The following MTRF1 variants were observed in gnomAD, a reference collection of about 807,000 sequenced individuals.
The protein encoded by MTRF1 is peptide chain release factor 1, mitochondrial.
A neutral mutation model predicts 62.9 loss-of-function variants in MTRF1; 51 were observed. That is an observed-to-expected ratio of 0.81 (90% CI 0.65 to 1.02). The LOEUF (loss-of-function observed/expected upper bound fraction) is 1.02. Among genes scored for constraint, MTRF1 ranks in the 50% least tolerant of loss-of-function variants. MTRF1 has a pLI of 0.00. For synonymous variants in MTRF1, 158 were observed against 181.9 expected (o/e 0.87, Z 1.06); for missense variants, 446 against 530.0 (o/e 0.84, Z 1.56).
chr13:41,288,178 A>G, the MTRF1 span: 22 of 492,748 alleles, frequency 4.5e-5, no homozygotes, highest in African/African-American at 7.9e-5. Context: ...CTGGCTTTCC[A>G]TCTACCTTAA....
chr13:41,283,653 G>A, the MTRF1 span, among the ~76,000 whole-genome samples: 2 of 143,104 alleles, frequency 1.4e-5, no homozygotes, highest in Non-Finnish European at 3.0e-5. Flanking sequence ...GCAGTGGCGC[G>A]ATCTCGGCTC....
the MTRF1 span, among the ~76,000 whole-genome samples, chr13:41,294,016 G>A: frequency 6.6e-6 from 1 of 151,910 alleles, no homozygotes; most frequent in Non-Finnish European, 1.5e-5. Flanking sequence ...TTGCTTCCTA[G>A]GTTTCATTAA....
intron 9 of MTRF1, among the ~76,000 whole-genome samples, chr13:41,219,195 G>A (rs1237221626): frequency 6.6e-6 from 1 of 151,826 alleles, no homozygotes; most frequent in Non-Finnish European, 1.5e-5. Context: ...GGAGGCTGAG[G>A]CTGGAGAATT....
In MTRF1 at chr13:41,255,320, G is replaced by A. The variant is rs372604222; in HGVS notation, c.416-700C>T. Among the ~76,000 whole-genome samples the A allele has an allele frequency of 1.9e-4, 29 of 152,224 alleles. No homozygotes were observed. In the East Asian group the frequency reaches 3.9e-3, roughly 20 times the overall value. ...CAGCCTCAAACTCCTGGACTCAAGC[G>A]ATCTTCCTGCTTCAGCCTCCCAGGT... On this transcript the variant is annotated intron_variant, in intron 2 of 9. Coordinates refer to ENST00000379480, the MANE Select transcript of MTRF1 (RefSeq NM_004294.4).
the MTRF1 span, among the ~76,000 whole-genome samples, chr13:41,288,817 G>A: frequency 1.3e-5 from 2 of 152,252 alleles, no homozygotes; most frequent in Non-Finnish European, 1.5e-5. Context: ...AAAATGGGTC[G>A]TAAAGCAGCG....
chr13:41,259,860 G>A (rs1451170520), intron 2 of MTRF1, among the ~76,000 whole-genome samples: 1 of 152,102 alleles, frequency 6.6e-6, no homozygotes, highest in Non-Finnish European at 1.5e-5. Context: ...CCCTCTAGTA[G>A]AGCAGGTCTC....
the MTRF1 span, among the ~76,000 whole-genome samples, chr13:41,285,115 C>G: frequency 5.3e-5 from 8 of 152,170 alleles, no homozygotes; most frequent in African/African-American, 9.7e-5. Flanking sequence ...TGATTTATTT[C>G]TGAATCATGA....
chr13:41,240,529 A>G, intron 5 of MTRF1, 96 bp from the exon 6 acceptor site: 2 of 1,143,902 alleles, frequency 1.7e-6, no homozygotes, highest in Non-Finnish European at 2.4e-6. Flanking sequence ...TGTTGAGTAC[A>G]GAGCCTAAGA....
the MTRF1 span, among the ~76,000 whole-genome samples, chr13:41,276,694 T>G: frequency 6.6e-6 from 1 of 152,184 alleles, no homozygotes. Context: ...TAAATGATAA[T>G]GAGCCTTCCC....
At chr13:41,286,448 ATACT>A in the MTRF1 span, among the ~76,000 whole-genome samples, 6 of 152,348 alleles carry the variant, frequency 3.9e-5, no homozygotes, top group South Asian at 1.2e-3. Context: ...TTTATGTATA[ATACT>A]TACGGTTCTT....
At chr13:41,249,825 GCTGGCCTCAAACTC>G (rs1485307092) in intron 5 of MTRF1, among the ~76,000 whole-genome samples, 2 of 151,408 alleles carry the variant, frequency 1.3e-5, no homozygotes, top group Middle Eastern at 3.2e-3. Flanking sequence ...TGGTGGCCAG[GCTGGCCTCAAACTC>G]CTGGCCTCAA....
In MTRF1 at chr13:41,260,764, G is replaced by A. The variant is rs1296370121; in HGVS notation, c.144C>T (p.Cys48=). 3.7e-6 allele frequency: 6 copies of A among 1,614,156 alleles called. No homozygotes were observed. Among genetic ancestry groups the A allele is most frequent in the East Asian group, 4.5e-5 (2 of 44,886 alleles). Residue 48 remains cysteine (C), a synonymous_variant, in exon 2 of 10, where the codon TGC becomes TGT. Transcript: ENST00000379480. ...AATTCTTACTTAACAGATGAAGAAT[G>A]CAATTCCTGTTTTGTCTAAAAACTT... ...RLQVFRQNRN[C]ILHLLSKNWS...
upstream of MTRF1, among the ~76,000 whole-genome samples, chr13:41,267,808 C>T (rs1184558412): frequency 6.6e-6 from 1 of 151,346 alleles, no homozygotes; most frequent in Non-Finnish European, 1.5e-5. Context: ...CAAGGTTGTA[C>T]TGAGCTGTGA....
At chr13:41,232,219 A>G (rs1315697618) in intron 7 of MTRF1, among the ~76,000 whole-genome samples, 1 of 152,184 alleles carries the variant, frequency 6.6e-6, no homozygotes, top group Non-Finnish European at 1.5e-5. Context: ...TATCAACAAA[A>G]TAAGAAAAGG....
chr13:41,308,705 C>T, the MTRF1 span, among the ~76,000 whole-genome samples: 1 of 152,120 alleles, frequency 6.6e-6, no homozygotes, highest in Non-Finnish European at 1.5e-5. Flanking sequence ...CCTTGAACCC[C>T]CACTTTTATT....
At chr13:41,240,103 C>T (rs1267234074) in intron 6 of MTRF1, among the ~76,000 whole-genome samples, 158 bp downstream of exon 6, 1 of 151,330 alleles carries the variant, frequency 6.6e-6, no homozygotes, top group African/African-American at 2.4e-5. Flanking sequence ...GTGGAGGTTG[C>T]AGTGAGCAGA....
chr13:41,304,427 TG>T, the MTRF1 span, among the ~76,000 whole-genome samples: 1 of 152,212 alleles, frequency 6.6e-6, no homozygotes, highest in African/African-American at 2.4e-5. Flanking sequence ...GACGTGTGCC[TG>T]GGCTTCCGCT....
intron 5 of MTRF1, among the ~76,000 whole-genome samples, chr13:41,243,704 A>G (rs1024876591): frequency 6.6e-6 from 1 of 152,124 alleles, no homozygotes; most frequent in Non-Finnish European, 1.5e-5. Context: ...TTTAAATTCA[A>G]CTTCAACCTC....
chr13:41,245,478 A>G lies in MTRF1; in HGVS notation c.698-5045T>C, dbSNP rs879608056. ...AGGCTGGTCTCAAACTCCTGGGCTC[A>G]AGCGATCCTCCCACTTTGGCCTCCC... On this transcript the variant is annotated intron_variant, in intron 5 of 9. Transcript: ENST00000379480. Among the ~76,000 whole-genome samples, 6 of 152,102 alleles carry G rather than the reference A, an allele frequency of 3.9e-5. 1 individual carries two copies. Among genetic ancestry groups the G allele is most frequent in the East Asian group, 1.9e-4 (1 of 5,198 alleles).
Sources: gnomAD v4.1 joint callset for allele counts (sites outside exome capture counted in the v4.1 genomes callset) on GRCh38, gnomAD v4.1.1 for gene constraint, MANE v1.5 for transcripts, NCBI Gene and HGNC (gene_info 2026-07-23, HGNC 2026-07-21) for gene names.